Variants in STK32B observed in about 807,000 individuals in gnomAD.
The protein encoded by STK32B is serine/threonine-protein kinase 32B.
A neutral mutation model predicts 52.6 loss-of-function variants in STK32B; 43 were observed. That is an observed-to-expected ratio of 0.82 (90% CI 0.64 to 1.05). The LOEUF (loss-of-function observed/expected upper bound fraction) is 1.05, where lower values mean the gene tolerates loss of function less well. Ranked by LOEUF, STK32B falls within the 50% of genes least tolerant of loss-of-function variation. The pLI, the probability that STK32B is intolerant of heterozygous loss-of-function variation, is 0.00. For synonymous variants in STK32B, 238 were observed against 204.3 expected, an observed-to-expected ratio of 1.17 and a Z score of -1.41; for missense variants, 621 against 534.6, an observed-to-expected ratio of 1.16 and a Z score of -1.59.
intron 1 of STK32B, among the ~76,000 whole-genome samples, chr4:5,110,272 CAAAAAAAA>C (rs367760309): frequency 6.6e-5 from 7 of 106,720 alleles, no homozygotes; most frequent in African/African-American, 2.4e-4. Context: ...CATATGGAAC[CAAAAAAAA>C]AAAAAAAAAA....
At chr4:5,135,780 C>T (rs1716038671) in intron 1 of STK32B, among the ~76,000 whole-genome samples, 2 of 152,184 alleles carry the variant, frequency 1.3e-5, no homozygotes, top group African/African-American at 2.4e-5. Flanking sequence ...TACTCCAGCT[C>T]AGTGTGCCCC....
In STK32B at chr4:5,469,149, A is replaced by G. The variant is rs1717666322; in HGVS notation, c.1106+1079A>G. On this transcript the variant is annotated intron_variant, in intron 11 of 11. Transcript: ENST00000282908. This position sits in a 1 kb window ranked among gnomAD's most constrained non-coding sequence, Gnocchi z 4.7. ...GCAGCCGATGAGCCCCATTGGACCC[A>G]CACTAAGCCAAGCTTTGGGTTGGTG... Among the ~76,000 whole-genome samples the G allele has an allele frequency of 6.6e-6, 1 of 152,054 alleles. No homozygotes were observed. The highest frequency in any genetic ancestry group is 1.9e-4 in the East Asian group (1 of 5,174).
At chr4:5,473,074 T>C (rs563163487) in intron 11 of STK32B, among the ~76,000 whole-genome samples, 67 of 152,302 alleles carry the variant, frequency 4.4e-4, no homozygotes, top group African/African-American at 1.5e-3. Context: ...TTATCACATT[T>C]CCCTAAAAGA....
chr4:5,077,332 A>T (rs1004750049), intron 1 of STK32B, among the ~76,000 whole-genome samples: 3 of 151,832 alleles, frequency 2.0e-5, no homozygotes, highest in Non-Finnish European at 4.4e-5. Flanking sequence ...TTCCTTTTAC[A>T]GTCCAACCCT....
chr4:5,042,761 C>G, the STK32B span, among the ~76,000 whole-genome samples: 1 of 152,190 alleles, frequency 6.6e-6, no homozygotes. Flanking sequence ...AATGCATGAT[C>G]CCGTCCCTGA....
At chr4:5,059,349 T>C (rs1742131087) in intron 1 of STK32B, among the ~76,000 whole-genome samples, 1 of 152,148 alleles carries the variant, frequency 6.6e-6, no homozygotes. Flanking sequence ...TGCATTGTTA[T>C]TGTAGATACC....
At chr4:5,421,468 A>G (rs1712642985) in intron 6 of STK32B, among the ~76,000 whole-genome samples, 2 of 151,404 alleles carry the variant, frequency 1.3e-5, no homozygotes, top group South Asian at 2.1e-4. Context: ...CAGGTGATCC[A>G]TCTGCCTCAG....
At chr4:5,340,229 C>T (rs769127979) in intron 4 of STK32B, among the ~76,000 whole-genome samples, 1 of 152,178 alleles carries the variant, frequency 6.6e-6, no homozygotes, top group Admixed American at 6.5e-5. Context: ...ATGATTGCAG[C>T]CAAGGATGAT....
chr4:5,100,641 T>C (rs1713701100), intron 1 of STK32B, among the ~76,000 whole-genome samples: 1 of 137,714 alleles, frequency 7.3e-6, no homozygotes, highest in Non-Finnish European at 1.6e-5. Flanking sequence ...TCTCTTTCTT[T>C]CTTTCTCTCT....
rs566305471 is a variant in STK32B at position 5,238,799 on chromosome 4, C to T, written c.260+70349C>T. Among the ~76,000 whole-genome samples, 25 of 152,310 alleles carry T rather than the reference C, an allele frequency of 1.6e-4. No homozygotes were observed. The South Asian group carries it at 2.1e-3, about 13-fold the overall frequency. ...ACAATTGTGTTCTCAGAGTCCACTG[C>T]GTGTCAGCACCACAAGGCACAGATA... On this transcript the variant is annotated intron_variant, in intron 3 of 11. Coordinates refer to ENST00000282908, the MANE Select transcript of STK32B (RefSeq NM_018401.3).
At chr4:5,282,956 A>G (rs1316129647) in intron 3 of STK32B, among the ~76,000 whole-genome samples, 1 of 152,154 alleles carries the variant, frequency 6.6e-6, no homozygotes, top group African/African-American at 2.4e-5. Flanking sequence ...ATAAGAGGGA[A>G]ACTACAGTAT....
chr4:5,346,846 G>C (rs532613497), intron 4 of STK32B, among the ~76,000 whole-genome samples: 2 of 152,162 alleles, frequency 1.3e-5, no homozygotes, highest in African/African-American at 4.8e-5. Flanking sequence ...ATTGACTCAC[G>C]GTTCTTCATG....
intron 3 of STK32B, among the ~76,000 whole-genome samples, chr4:5,270,521 A>C (rs1727353230): frequency 6.6e-6 from 1 of 152,118 alleles, no homozygotes; most frequent in African/African-American, 2.4e-5. Context: ...CAGGAACAGT[A>C]TTTTGCATTC....
intron 3 of STK32B, among the ~76,000 whole-genome samples, chr4:5,285,720 G>T (rs558354360): frequency 6.6e-6 from 1 of 152,274 alleles, no homozygotes; most frequent in East Asian, 1.9e-4. Flanking sequence ...TCCCTTATTA[G>T]TAGATAGATC....
chr4:5,200,253 CTTT>C (rs35848579), intron 3 of STK32B, among the ~76,000 whole-genome samples: 3 of 142,320 alleles, frequency 2.1e-5, no homozygotes, highest in African/African-American at 2.6e-5. Flanking sequence ...CTCTTCTGCT[CTTT>C]TTTTTTTTTT....
intron 3 of STK32B, among the ~76,000 whole-genome samples, chr4:5,269,986 T>C (rs1463443033): frequency 1.3e-5 from 2 of 152,158 alleles, no homozygotes; most frequent in African/African-American, 4.8e-5. Context: ...TCAGTATATA[T>C]ACAAACTGAA....
chr4:5,146,901 G>A (rs1252135874), intron 2 of STK32B, among the ~76,000 whole-genome samples: 1 of 152,076 alleles, frequency 6.6e-6, no homozygotes, highest in African/African-American at 2.4e-5. Flanking sequence ...GGATATTCTA[G>A]ATCATTGATT....
At chr4:5,269,822 T>A (rs2108855226) in intron 3 of STK32B, among the ~76,000 whole-genome samples, 1 of 151,600 alleles carries the variant, frequency 6.6e-6, no homozygotes, top group Non-Finnish European at 1.5e-5. Flanking sequence ...ACCAAAGATA[T>A]AAGAAAACTG....
At chr4:5,282,044 AT>A (rs972732162) in intron 3 of STK32B, among the ~76,000 whole-genome samples, 2 of 152,056 alleles carry the variant, frequency 1.3e-5, no homozygotes, top group Non-Finnish European at 2.9e-5. Flanking sequence ...TGTATACAAT[AT>A]GGAATAACTA....
Sources: allele counts gnomAD v4.1 joint callset (sites outside exome capture counted in the v4.1 genomes callset), GRCh38; gene constraint gnomAD v4.1.1; non-coding constraint Gnocchi (gnomAD v3.1); transcripts MANE v1.5; gene names NCBI Gene and HGNC (gene_info 2026-07-23, HGNC 2026-07-21).